Variants in ST3GAL1 observed in about 807,000 individuals in gnomAD.
The protein encoded by ST3GAL1 is ST3 beta-galactoside alpha-2,3-sialyltransferase 1.
In ST3GAL1, 16 loss-of-function variants were observed where a neutral mutation model predicts 34.1. The ratio of observed to expected loss-of-function variants is 0.47; its 90% CI spans 0.32 to 0.71. The LOEUF is 0.71. Among genes scored for constraint, ST3GAL1 ranks in the 30% least tolerant of loss-of-function variants. The probability of loss-of-function intolerance (pLI) is 0.04; values close to 1 mark genes in which losing one functional copy is unlikely to be tolerated. For synonymous variants in ST3GAL1, 191 were observed against 184.7 expected, an observed-to-expected ratio of 1.03 and a Z score of -0.28; for missense variants, 353 against 447.4, an observed-to-expected ratio of 0.79 and a Z score of 1.90.
chr8:133,533,910 C>G (rs766785747), intron 2 of ST3GAL1, among the ~76,000 whole-genome samples: 2 of 152,180 alleles, frequency 1.3e-5, no homozygotes, highest in African/African-American at 4.8e-5. Context: ...TAAGCAGCAA[C>G]AGGGAGAGAT....
At chr8:133,477,076 ATAAAAAGGGGCT>A (rs1354760265) in intron 3 of ST3GAL1, among the ~76,000 whole-genome samples, 1 of 152,224 alleles carries the variant, frequency 6.6e-6, no homozygotes, top group Non-Finnish European at 1.5e-5. Flanking sequence ...CCTCAGTTCC[ATAAAAAGGGGCT>A]TTAGATGGTC....
At chr8:133,463,591 G>A (rs1815601239) in intron 7 of ST3GAL1, 132 bp from the exon 8 acceptor site, 1 of 955,238 alleles carries the variant, frequency 1.0e-6, no homozygotes, top group African/African-American at 1.6e-5. Flanking sequence ...GCTTCCCTCA[G>A]GGACCCCCAC....
At chr8:133,528,707 T>C (rs532224884) in intron 2 of ST3GAL1, among the ~76,000 whole-genome samples, 10 of 152,388 alleles carry the variant, frequency 6.6e-5, no homozygotes, top group African/African-American at 2.4e-4. Context: ...TCATGAGAGA[T>C]ATGATTTGGC....
At position 133,459,668 on chromosome 8, in the gene ST3GAL1, G is replaced by A; in HGVS notation, c.*96C>T. 1 of 1,464,950 alleles carries A rather than the reference G, an allele frequency of 6.8e-7. No homozygotes were observed. Among genetic ancestry groups the A allele is most frequent in the Non-Finnish European group, 9.2e-7 (1 of 1,090,794 alleles). The allele number at this position is 1,464,950 out of a possible 1,614,324, so 90.7% of individuals were successfully genotyped here. On this transcript the variant is annotated 3_prime_UTR_variant, in exon 10 of 10. Transcript: ENST00000522652. This position sits in a 1 kb window ranked among gnomAD's most constrained non-coding sequence, Gnocchi z 4.7. Reference sequence around the variant, plus strand: ...GGTGCCCAGGCACACACCTGAGGCTGCCCCTCCAAGCTCCGGGATGGAACG... The same window carrying A: ...GGTGCCCAGGCACACACCTGAGGCTACCCCTCCAAGCTCCGGGATGGAACG...
At position 133,520,838 on chromosome 8, in the gene ST3GAL1, T is replaced by C. The variant is rs182432329; in HGVS notation, c.-428-21649A>G. Among the ~76,000 whole-genome samples, 500 of 151,076 alleles carry C rather than the reference T, an allele frequency of 3.3e-3. 1 individual carries two copies. Among genetic ancestry groups the C allele is most frequent in the African/African-American group, 0.011 (473 of 41,180 alleles). On this transcript the variant is annotated intron_variant, in intron 2 of 9. Coordinates refer to ENST00000522652, the MANE Select transcript of ST3GAL1 (RefSeq NM_173344.3). The stretch of plus-strand genomic sequence containing the variant: ...CCAGGCTAAAGTGCTATGGTGCGAT[T>C]CCAGCTCACTGCAACCTCTGCCTCC...
At position 133,467,262 on chromosome 8, in the gene ST3GAL1, C is replaced by T. The variant is rs995678326; in HGVS notation, c.307-1172G>A. ...GATGAGTTGGTATCCCTATTGGCCC[C>T]CGGTGGTTTCACTATTGGCCCCCGC... On this transcript the variant is annotated intron_variant, in intron 5 of 9. Transcript: ENST00000522652. This position sits in a 1 kb window ranked among gnomAD's most constrained non-coding sequence, Gnocchi z 4.2. Among the ~76,000 whole-genome samples the T allele has an allele frequency of 1.3e-5, 2 of 152,184 alleles. No individual in the cohort carries two copies. The highest frequency in any genetic ancestry group is 2.4e-5 in the African/African-American group (1 of 41,438).
At chr8:133,524,508 G>A (rs1445051846) in intron 2 of ST3GAL1, among the ~76,000 whole-genome samples, 1 of 152,224 alleles carries the variant, frequency 6.6e-6, no homozygotes, top group Non-Finnish European at 1.5e-5. Flanking sequence ...CATGCCTGCT[G>A]GGCTCATGTC....
At chr8:133,562,904 C>T (rs1405288221) in intron 1 of ST3GAL1, among the ~76,000 whole-genome samples, 1 of 137,848 alleles carries the variant, frequency 7.3e-6, no homozygotes, top group Admixed American at 7.8e-5. Context: ...GGTAAATGTC[C>T]AATTAGATAG....
chr8:133,524,909 T>C (rs2131033512), intron 2 of ST3GAL1, among the ~76,000 whole-genome samples: 1 of 152,384 alleles, frequency 6.6e-6, no homozygotes, highest in South Asian at 2.1e-4. Flanking sequence ...AAAGAAGGTG[T>C]CACAGCCCTG....
chr8:133,462,466 A>G (rs1284712680), intron 8 of ST3GAL1, among the ~76,000 whole-genome samples: 2 of 152,216 alleles, frequency 1.3e-5, no homozygotes, highest in Non-Finnish European at 2.9e-5. Context: ...GCTGCAGATA[A>G]GAAAACTGAA....
rs1291648332 is a variant in ST3GAL1, at chr8:133,459,659, C to A, written c.*105G>T. ...GCTGTGAGCGGTGCCCAGGCACACACCTGAGGCTGCCCCTCCAAGCTCCGG... is the reference window on the plus strand; with the variant it reads ...GCTGTGAGCGGTGCCCAGGCACACAACTGAGGCTGCCCCTCCAAGCTCCGG... On this transcript the variant is annotated 3_prime_UTR_variant, in exon 10 of 10. Transcript: ENST00000522652. This position sits in a 1 kb window ranked among gnomAD's most constrained non-coding sequence, Gnocchi z 4.7. The A allele has an allele frequency of 6.9e-7, 1 of 1,442,708 alleles. No individual in the cohort carries two copies. The highest frequency in any genetic ancestry group is 2.4e-5 in the East Asian group (1 of 41,482). The allele number at this position is 1,442,708 out of a possible 1,614,324, so 89.4% of individuals were successfully genotyped here. A position where few individuals can be genotyped will look rare whatever the true frequency, so the allele number is the denominator to read the frequency against.
In ST3GAL1 at chr8:133,464,799, A is replaced by G. The variant is rs563064267; in HGVS notation, c.662T>C (p.Ile221Thr). 3.7e-6 allele frequency: 6 copies of G among 1,613,500 alleles called. No homozygotes were observed. The East Asian group carries it at 8.9e-5, about 24-fold the overall frequency. ...TIDLEWVVSA[I>T]TTGTISHTYI... ...TCACTGGGAAATGGTGCCCGTGGTG[A>G]TGGCGCTCACCACCCACTCCAAGTC... Residue 221 changes from isoleucine to threonine, a missense_variant, in exon 7 of 10, where the codon ATC becomes ACC. By Grantham distance (89) the Ile-to-Thr change is moderately conservative. Coordinates refer to ENST00000522652, the MANE Select transcript of ST3GAL1 (RefSeq NM_173344.3).
At chr8:133,494,670 C>A (rs867815296) in intron 3 of ST3GAL1, among the ~76,000 whole-genome samples, 2 of 152,284 alleles carry the variant, frequency 1.3e-5, no homozygotes, top group African/African-American at 4.8e-5. Flanking sequence ...TGGTCCCTGC[C>A]TACTCTCTGA....
Position 133,466,190 on chromosome 8 carries a change from C to G in ST3GAL1, c.307-100G>C. 2.4e-6 allele frequency: 3 copies of G among 1,228,166 alleles called. No homozygotes were observed. The highest frequency in any genetic ancestry group is 3.4e-6 in the Non-Finnish European group (3 of 886,902). The allele number at this position is 1,228,166 out of a possible 1,614,324, so 76.1% of individuals were successfully genotyped here. On this transcript the variant is annotated intron_variant, in intron 5 of 9. Transcript: ENST00000522652. This position sits in a 1 kb window ranked among gnomAD's most constrained non-coding sequence, Gnocchi z 4.4. Reference sequence around the variant, plus strand: ...CCTGCTGTCGTTTACTGGGGCCCTCCTGTTCACCCTTCTCTCTGCTGGGCC... The same window carrying G: ...CCTGCTGTCGTTTACTGGGGCCCTCGTGTTCACCCTTCTCTCTGCTGGGCC...
Position 133,464,946 on chromosome 8 carries a change from G to A in ST3GAL1, c.515C>T (p.Ala172Val), listed in dbSNP as rs1815676608. Reference protein sequence around the residue: ...SHDFVLRMNKAPTAGFEADVG... With the variant: ...SHDFVLRMNKVPTAGFEADVG... ...ATCAGCTTCAAACCCTGCCGTGGGCGCCTTGTTCATCCTGGGAGAGAAGGG... is the reference window on the plus strand; with the variant it reads ...ATCAGCTTCAAACCCTGCCGTGGGCACCTTGTTCATCCTGGGAGAGAAGGG... Residue 172 changes from alanine (A) to valine (V), a missense_variant, in exon 7 of 10, where the codon GCG becomes GTG. Transcript: ENST00000522652. 10 of 1,612,816 alleles carry A rather than the reference G, an allele frequency of 6.2e-6. No homozygotes were observed. Among genetic ancestry groups the A allele is most frequent in the South Asian group, 1.1e-5 (1 of 90,974 alleles).
rs1397652682 is a variant in ST3GAL1 at position 133,464,744 on chromosome 8, A to C, written c.683+34T>G. On this transcript the variant is annotated intron_variant, in intron 7 of 9. Transcript: ENST00000522652. ...GGGACAGGGTGCCACTGCAAGGGGC[A>C]GAGCAGCGAGGCGGGGCCACAGGAG... is the stretch of plus-strand genomic sequence containing the variant. 12 of 1,593,864 alleles carry C rather than the reference A, an allele frequency of 7.5e-6. 1 individual carries two copies. In the Admixed American group the frequency reaches 1.9e-4, roughly 25 times the overall value.
chr8:133,503,182 A>AT (rs1182932969), intron 2 of ST3GAL1, among the ~76,000 whole-genome samples: 3 of 152,212 alleles, frequency 2.0e-5, no homozygotes, highest in African/African-American at 7.2e-5. Flanking sequence ...AGCTTGGAAG[A>AT]TTTTGTTATG....
intron 2 of ST3GAL1, among the ~76,000 whole-genome samples, chr8:133,539,259 T>C (rs1818395580): frequency 6.6e-6 from 1 of 152,142 alleles, no homozygotes; most frequent in Non-Finnish European, 1.5e-5. Context: ...ACTCAGAGGA[T>C]CCAGAAGGCA....
At chr8:133,555,510 C>T (rs1216186727) in intron 1 of ST3GAL1, among the ~76,000 whole-genome samples, 1 of 152,158 alleles carries the variant, frequency 6.6e-6, no homozygotes, top group Non-Finnish European at 1.5e-5. Flanking sequence ...GGACATTCGT[C>T]CTGCCCTCCC....
Sources: gnomAD v4.1 joint callset for allele counts (sites outside exome capture counted in the v4.1 genomes callset) on GRCh38, gnomAD v4.1.1 for gene constraint, Gnocchi (gnomAD v3.1) non-coding constraint, MANE v1.5 for transcripts, NCBI Gene and HGNC (gene_info 2026-07-23, HGNC 2026-07-21) for gene names.